Variants in TMEM50A observed in about 807,000 individuals in gnomAD.
TMEM50A encodes transmembrane protein 50A, also known as cervical cancer oncogene 9.
Under a neutral mutation model 23.9 loss-of-function variants are expected in TMEM50A, and 8 were observed. That is an observed-to-expected ratio of 0.33 (90% confidence interval 0.20 to 0.60). TMEM50A has a LOEUF of 0.60. TMEM50A is among the 20% of genes least tolerant of loss of function. The pLI is 0.81. For synonymous variants in TMEM50A, 55 were observed against 60.4 expected (o/e 0.91, Z 0.41); for missense variants, 178 against 192.7 (o/e 0.92, Z 0.45).
intron 2 of TMEM50A, 35 bp downstream of exon 2, chr1:25,340,614 G>T (rs762504105): frequency 1.9e-6 from 3 of 1,556,996 alleles, no homozygotes; most frequent in South Asian, 1.1e-5. Context: ...CTTATTTTTT[G>T]GTGCGTTTGT....
chr1:25,338,771 G>C (rs1436912724), intron 1 of TMEM50A: 1 of 152,194 alleles, frequency 6.6e-6, no homozygotes, highest in Non-Finnish European at 1.5e-5. Flanking sequence ...CCCGAGAAAG[G>C]AGCGTGACCC....
chr1:25,342,012 T>TTGC (rs1057135196), intron 2 of TMEM50A, among the ~76,000 whole-genome samples: 21 of 152,258 alleles, frequency 1.4e-4, no homozygotes, highest in African/African-American at 5.1e-4. Context: ...GCCAAAAAGC[T>TTGC]TTGAGTTTTT....
rs1230252980 is a variant in TMEM50A at position 25,351,695 on chromosome 1, TA to T, written c.274+5del. On this transcript the variant is annotated splice_donor_region_variant and intron_variant, in intron 4 of 6. Coordinates refer to ENST00000374358, the MANE Select transcript of TMEM50A (RefSeq NM_014313.4). The stretch of plus-strand genomic sequence containing the variant: ...GTGAAGGTTGTCTGGGTCAAACAGG[TA>T]AATAGGTGCAAACAGCATCTTATTA... 1 of 1,612,158 alleles carries T rather than the reference TA, an allele frequency of 6.2e-7. No homozygotes were observed. The highest frequency in any genetic ancestry group is 8.5e-7 in the Non-Finnish European group (1 of 1,179,330).
intron 2 of TMEM50A, among the ~76,000 whole-genome samples, chr1:25,341,949 G>C (rs964710766): frequency 1.3e-5 from 2 of 151,924 alleles, no homozygotes; most frequent in Non-Finnish European, 2.9e-5. Flanking sequence ...GGGCTCAAGT[G>C]ATTCACTGGC....
chr1:25,342,347 T>C (rs1438044534), intron 2 of TMEM50A, among the ~76,000 whole-genome samples: 1 of 152,258 alleles, frequency 6.6e-6, no homozygotes, highest in Non-Finnish European at 1.5e-5. Flanking sequence ...TTTTGAAGTT[T>C]TGGCGTTATT....
intron 3 of TMEM50A, among the ~76,000 whole-genome samples, chr1:25,346,019 C>G (rs2124243170): frequency 6.6e-6 from 1 of 152,094 alleles, no homozygotes; most frequent in South Asian, 2.1e-4. Flanking sequence ...AACTCCTGAC[C>G]TCAAGTGATC....
At chr1:25,350,454 G>A (rs1467072317) in intron 3 of TMEM50A, among the ~76,000 whole-genome samples, 3 of 152,004 alleles carry the variant, frequency 2.0e-5, no homozygotes, top group Non-Finnish European at 4.4e-5. Flanking sequence ...GCAGTGGCAC[G>A]ATCTGAGCTC....
intron 3 of TMEM50A, among the ~76,000 whole-genome samples, chr1:25,343,937 T>G (rs1395407534): frequency 6.6e-6 from 1 of 152,108 alleles, no homozygotes; most frequent in Non-Finnish European, 1.5e-5. Flanking sequence ...TATAGGGCCT[T>G]GAGAAGCATT....
Position 25,342,797 on chromosome 1 carries a change from AAGGGTACCTAATCAGTT to A in TMEM50A, c.94-162_94-146del, listed in dbSNP as rs140119594. 2,518 of 444,074 alleles carry A rather than the reference AAGGGTACCTAATCAGTT, an allele frequency of 5.7e-3. 45 individuals are homozygous for A. Among genetic ancestry groups the A allele is most frequent in the African/African-American group, 0.044 (2,187 of 49,898 alleles). 27.5% of individuals were successfully genotyped at this position (444,074 alleles called of 1,614,324 possible). ...ATAAATATAAATTGCTCTCAGATTTAAGGGTACCTAATCAGTTATTAGGCCATGTGCAAATTACATGT... is the reference window on the plus strand; with the variant it reads ...ATAAATATAAATTGCTCTCAGATTTAATTAGGCCATGTGCAAATTACATGT... On this transcript the variant is annotated intron_variant, in intron 2 of 6. Coordinates refer to ENST00000374358, the MANE Select transcript of TMEM50A (RefSeq NM_014313.4).
chr1:25,354,730 C>T (rs1411411857), intron 5 of TMEM50A, among the ~76,000 whole-genome samples: 1 of 151,302 alleles, frequency 6.6e-6, no homozygotes, highest in Non-Finnish European at 1.5e-5. Context: ...AATTTTTATC[C>T]CCCGTTTGCA....
intron 5 of TMEM50A, among the ~76,000 whole-genome samples, chr1:25,355,459 G>C (rs1252237916): frequency 1.3e-5 from 2 of 152,136 alleles, no homozygotes; most frequent in African/African-American, 4.8e-5. Context: ...TATTAATACA[G>C]GGTCCCTTTT....
chr1:25,339,098 G>A (rs1352731692), intron 1 of TMEM50A, among the ~76,000 whole-genome samples: 2 of 152,202 alleles, frequency 1.3e-5, no homozygotes, highest in African/African-American at 4.8e-5. Context: ...TTAAAAATGG[G>A]AGACGTTGCT....
intron 3 of TMEM50A, among the ~76,000 whole-genome samples, chr1:25,348,472 G>A (rs3093605): frequency 0.011 from 1,709 of 152,206 alleles, 31 homozygotes; most frequent in African/African-American, 0.039. Context: ...GGATCTCGAG[G>A]TCAGGAGATC....
At chr1:25,348,101 TTC>T (rs1442799719) in intron 3 of TMEM50A, among the ~76,000 whole-genome samples, 1 of 152,218 alleles carries the variant, frequency 6.6e-6, no homozygotes, top group Non-Finnish European at 1.5e-5. Flanking sequence ...TAAACTTACA[TTC>T]TGTTGCATTA....
intron 4 of TMEM50A, 57 bp from the exon 5 acceptor site, chr1:25,352,825 A>G: frequency 6.7e-7 from 1 of 1,493,052 alleles, no homozygotes; most frequent in Non-Finnish European, 9.1e-7. Context: ...TTCTTTTTGA[A>G]AGTTAATTGT....
At chr1:25,352,598 G>C (rs1645284709) in intron 4 of TMEM50A, among the ~76,000 whole-genome samples, 2 of 152,062 alleles carry the variant, frequency 1.3e-5, no homozygotes, top group African/African-American at 2.4e-5. Context: ...TGTTTTATAG[G>C]AAGGTTGAGT....
rs781011967 is a variant in TMEM50A at position 25,342,972 on chromosome 1, C to T, written c.105C>T (p.Gly35=). 28 of 1,612,168 alleles carry T rather than the reference C, an allele frequency of 1.7e-5. No homozygotes were observed. The highest frequency in any genetic ancestry group is 2.3e-5 in the Non-Finnish European group (27 of 1,179,352). The part of the protein sequence containing the change: ...SIAAGVLFFT[G]WWIIIDAAVI... Reference sequence around the variant, plus strand: ...CACCTTTGTTTTAGTTTTTTACAGGCTGGTGGATTATCATAGATGCAGCTG... The same window carrying T: ...CACCTTTGTTTTAGTTTTTTACAGGTTGGTGGATTATCATAGATGCAGCTG... Residue 35 remains glycine, a synonymous_variant, in exon 3 of 7, where the codon GGC becomes GGT. Transcript: ENST00000374358.
chr1:25,354,750 ATAT>A (rs1645316039), intron 5 of TMEM50A, among the ~76,000 whole-genome samples: 1 of 151,942 alleles, frequency 6.6e-6, no homozygotes, highest in African/African-American at 2.4e-5. Context: ...ATTTCACATG[ATAT>A]TATAAGTTAG....
intron 3 of TMEM50A, among the ~76,000 whole-genome samples, chr1:25,347,088 A>G (rs984678766): frequency 1.3e-5 from 2 of 152,298 alleles, no homozygotes; most frequent in East Asian, 1.9e-4. Context: ...TATACATCTC[A>G]ACAAATTTTT....
Sources: gnomAD v4.1 joint callset for allele counts (sites outside exome capture counted in the v4.1 genomes callset) on GRCh38, gnomAD v4.1.1 for gene constraint, MANE v1.5 for transcripts, NCBI Gene and HGNC (gene_info 2026-07-23, HGNC 2026-07-21) for gene names.